The following THSD4 variants were observed in gnomAD, a reference collection of about 807,000 sequenced individuals.
THSD4 encodes the protein thrombospondin type 1 domain containing 4.
In THSD4, 69 loss-of-function variants were observed where a neutral mutation model predicts 119.0. That is an observed-to-expected ratio of 0.58 (90% CI 0.48 to 0.71). THSD4 has a LOEUF of 0.71. THSD4 is among the 30% of genes least tolerant of loss of function. THSD4 has a pLI of 0.00. For synonymous variants in THSD4, 524 were observed against 540.4 expected, an observed-to-expected ratio of 0.97 and a Z score of 0.42; for missense variants, 1,393 against 1,391.1, an observed-to-expected ratio of 1.00 and a Z score of -0.02.
intron 7 of THSD4, among the ~76,000 whole-genome samples, chr15:71,650,339 T>A (rs190616014): frequency 6.6e-6 from 1 of 152,290 alleles, no homozygotes; most frequent in East Asian, 1.9e-4. Context: ...CAAACCTGAA[T>A]GTGCATAGGA....
At chr15:71,692,495 A>T (rs2052076211) in intron 8 of THSD4, among the ~76,000 whole-genome samples, 1 of 152,062 alleles carries the variant, frequency 6.6e-6, no homozygotes, top group African/African-American at 2.4e-5. Context: ...TCATTCACCG[A>T]GTTGGAAGAT....
intron 7 of THSD4, among the ~76,000 whole-genome samples, chr15:71,648,332 C>T (rs1176371642): frequency 1.3e-5 from 2 of 152,186 alleles, no homozygotes; most frequent in African/African-American, 4.8e-5. Flanking sequence ...CTTGAATGCC[C>T]TGATTGCATC....
At chr15:71,348,383 A>G (rs1002794727) in intron 6 of THSD4, 11 of 152,218 alleles carry the variant, frequency 7.2e-5, no homozygotes, top group Non-Finnish European at 1.6e-4. Flanking sequence ...GGACCATGCC[A>G]ACAGGCCCCG....
chr15:71,190,730 A>G (rs1486284957), intron 3 of THSD4, among the ~76,000 whole-genome samples: 2 of 152,150 alleles, frequency 1.3e-5, no homozygotes, highest in African/African-American at 2.4e-5. Flanking sequence ...AATAGCTAGA[A>G]AGGAACCATT....
rs143036888 is a variant in THSD4, at chr15:71,161,445, C to T, written c.99+6513C>T. ...TAGATGCTCCAGTGTTGGGTGCATA[C>T]GTATTTATAATGATTATATCCTCTT... On this transcript the variant is annotated intron_variant, in intron 3 of 17. Transcript: ENST00000261862. Among the ~76,000 whole-genome samples the T allele has an allele frequency of 1.0e-3, 158 of 152,042 alleles. 1 individual carries two copies. The highest frequency in any genetic ancestry group is 5.8e-3 in the East Asian group (30 of 5,172).
chr15:71,375,556 A>G (rs1271240605), intron 6 of THSD4, among the ~76,000 whole-genome samples: 1 of 152,132 alleles, frequency 6.6e-6, no homozygotes, highest in African/African-American at 2.4e-5. Context: ...CTGGCACAAT[A>G]CATGTTTGTT....
intron 7 of THSD4, among the ~76,000 whole-genome samples, chr15:71,536,362 T>C (rs941402170): frequency 6.6e-6 from 1 of 152,232 alleles, no homozygotes; most frequent in Admixed American, 6.5e-5. Flanking sequence ...TTCCCTCCTC[T>C]GCCTGGCCCT....
In THSD4 at chr15:71,550,499, C is replaced by T. The variant is rs184270407; in HGVS notation, c.1153-110031C>T. ...TCGCCCAGACTGGAGTGCAGTGGCA[C>T]AATCTCGGCTCACTGCAAGCTCCGC... On this transcript the variant is annotated intron_variant, in intron 7 of 17. Transcript: ENST00000261862. Among the ~76,000 whole-genome samples the T allele has an allele frequency of 1.9e-3, 287 of 152,324 alleles. 1 individual carries two copies. The highest frequency in any genetic ancestry group is 6.7e-3 in the African/African-American group (280 of 41,570).
chr15:71,290,014 A>G (rs1384766640), intron 6 of THSD4, among the ~76,000 whole-genome samples: 1 of 151,988 alleles, frequency 6.6e-6, no homozygotes, highest in African/African-American at 2.4e-5. Context: ...CTCCTCACCT[A>G]CCCTTCCCCA....
At chr15:71,736,007 GCT>G (rs201628870) in intron 10 of THSD4, among the ~76,000 whole-genome samples, 1 of 107,604 alleles carries the variant, frequency 9.3e-6, no homozygotes, top group African/African-American at 3.7e-5. Flanking sequence ...TGTCTCTCTT[GCT>G]CTCTGTCTGT....
chr15:71,669,037 G>A (rs1370326903), intron 8 of THSD4, among the ~76,000 whole-genome samples: 3 of 152,128 alleles, frequency 2.0e-5, no homozygotes, highest in Admixed American at 1.3e-4. Context: ...AGAAGAATTT[G>A]TAGGTCAAAT....
At chr15:71,633,641 T>G (rs988646238) in intron 7 of THSD4, among the ~76,000 whole-genome samples, 19 of 152,230 alleles carry the variant, frequency 1.2e-4, no homozygotes, top group African/African-American at 4.6e-4. Flanking sequence ...AATGGATATT[T>G]GTATAAATTA....
chr15:71,713,872 T>TA lies in THSD4; in HGVS notation c.1358-14669dup, dbSNP rs550698521. Among the ~76,000 whole-genome samples, 13 of 152,062 alleles carry TA rather than the reference T, an allele frequency of 8.5e-5. No individual in the cohort carries two copies. The South Asian group carries it at 2.1e-3, about 24-fold the overall frequency. On this transcript the variant is annotated intron_variant, in intron 8 of 17. Coordinates refer to ENST00000261862, the MANE Select transcript of THSD4 (RefSeq NM_024817.3). ...AGGATTTGTGGATGGATGTGAAACC[T>TA]AAAAAAAATTGTACTGGACAATGTT...
At chr15:71,413,037 G>A (rs2046710736) in intron 7 of THSD4, among the ~76,000 whole-genome samples, 1 of 151,994 alleles carries the variant, frequency 6.6e-6, no homozygotes, top group South Asian at 2.1e-4. Context: ...TTGAGATGGA[G>A]TTTCACTCTT....
chr15:71,504,652 A>G (rs563523782), intron 7 of THSD4, among the ~76,000 whole-genome samples: 6 of 152,354 alleles, frequency 3.9e-5, no homozygotes, highest in South Asian at 4.1e-4. Flanking sequence ...AGTTGCAAAG[A>G]TAGTAGAGAG....
chr15:71,334,248 G>GC (rs1312638318), intron 6 of THSD4, among the ~76,000 whole-genome samples: 2 of 152,126 alleles, frequency 1.3e-5, no homozygotes, highest in Non-Finnish European at 2.9e-5. Context: ...TCTTCATGAT[G>GC]CATAACATGA....
intron 6 of THSD4, among the ~76,000 whole-genome samples, chr15:71,398,762 G>A (rs947726338): frequency 2.0e-5 from 3 of 152,086 alleles, no homozygotes; most frequent in African/African-American, 7.2e-5. Context: ...CACCTCCCAT[G>A]TCCAGCACCA....
intron 8 of THSD4, among the ~76,000 whole-genome samples, chr15:71,709,813 AC>A (rs2052472321): frequency 6.6e-6 from 1 of 152,170 alleles, no homozygotes; most frequent in Non-Finnish European, 1.5e-5. Context: ...CCCAGGCCAT[AC>A]CTGAACCCAT....
intron 1 of THSD4, among the ~76,000 whole-genome samples, chr15:71,130,355 T>A (rs2040492010): frequency 6.6e-6 from 1 of 152,100 alleles, no homozygotes; most frequent in South Asian, 2.1e-4. Context: ...CCAGCTATTT[T>A]TTTGTATTTT....
Sources: gnomAD v4.1 joint callset for allele counts (sites outside exome capture counted in the v4.1 genomes callset) on GRCh38, gnomAD v4.1.1 for gene constraint, MANE v1.5 for transcripts, NCBI Gene and HGNC (gene_info 2026-07-23, HGNC 2026-07-21) for gene names.